Variants in DYNC2H1 observed in about 807,000 individuals in gnomAD.
DYNC2H1 encodes cytoplasmic dynein 2 heavy chain 1.
A neutral mutation model predicts 570.0 loss-of-function variants in DYNC2H1; 410 were observed. That is an observed-to-expected ratio of 0.72 (90% CI 0.66 to 0.78). The LOEUF is 0.78. Ranked by LOEUF, DYNC2H1 falls within the 30% of genes least tolerant of loss-of-function variation. The pLI is 0.00. For missense variants in DYNC2H1, 4,865 were observed against 5,046.4 expected, an observed-to-expected ratio of 0.96 and a Z score of 1.09; for synonymous variants, 1,688 against 1,677.6, an observed-to-expected ratio of 1.01 and a Z score of -0.15.
At chr11:103,385,376 C>G (rs1407477605) in intron 83 of DYNC2H1, among the ~76,000 whole-genome samples, 2 of 151,994 alleles carry the variant, frequency 1.3e-5, no homozygotes, top group Admixed American at 1.3e-4. Flanking sequence ...CTACATGATG[C>G]ATTCTGAATA....
chr11:103,408,208 T>G (rs1165463870), intron 84 of DYNC2H1: 2 of 151,932 alleles, frequency 1.3e-5, no homozygotes, highest in Non-Finnish European at 2.9e-5. Context: ...GGTTCTTTGG[T>G]GAAAAGTTTT....
At chr11:103,322,103 G>A (rs1370230243) in intron 81 of DYNC2H1, among the ~76,000 whole-genome samples, 1 of 151,930 alleles carries the variant, frequency 6.6e-6, no homozygotes. Context: ...TTTGTTTCTA[G>A]TATCTTTAAT....
At chr11:103,451,384 G>A (rs912385405) in intron 85 of DYNC2H1, among the ~76,000 whole-genome samples, 5 of 129,742 alleles carry the variant, frequency 3.9e-5, no homozygotes, top group Non-Finnish European at 7.7e-5. Flanking sequence ...CCAGGCTGGA[G>A]TGCAGTGGCA....
intron 31 of DYNC2H1, 139 bp downstream of exon 31, chr11:103,166,187 T>C: frequency 3.4e-6 from 2 of 590,690 alleles, no homozygotes; most frequent in Non-Finnish European, 2.6e-6. Context: ...CTTAAATTTT[T>C]ATAATGTACT....
intron 82 of DYNC2H1, among the ~76,000 whole-genome samples, chr11:103,327,987 C>T (rs1938582285): frequency 6.6e-6 from 1 of 152,176 alleles, no homozygotes; most frequent in South Asian, 2.1e-4. Flanking sequence ...GGAAATAGTA[C>T]TATGAGAAGA....
chr11:103,310,437 T>C (rs1037711660), intron 78 of DYNC2H1, among the ~76,000 whole-genome samples: 2 of 152,048 alleles, frequency 1.3e-5, no homozygotes, highest in African/African-American at 2.4e-5. Flanking sequence ...TCTGTACTTA[T>C]ATGTGATTTT....
At chr11:103,456,440 C>A in intron 87 of DYNC2H1, 84 bp downstream of exon 87, 1 of 1,080,118 alleles carries the variant, frequency 9.3e-7, no homozygotes, top group Non-Finnish European at 1.4e-6. Flanking sequence ...CTCAAAGTGA[C>A]CTATCTTTAT....
intron 83 of DYNC2H1, among the ~76,000 whole-genome samples, chr11:103,387,148 C>T (rs1487788257): frequency 1.3e-5 from 2 of 152,180 alleles, no homozygotes; most frequent in East Asian, 3.9e-4. Context: ...TTCTCCACAT[C>T]CTCTCCAGCA....
At chr11:103,210,292 C>G (rs564047364) in intron 53 of DYNC2H1, among the ~76,000 whole-genome samples, 1 of 152,022 alleles carries the variant, frequency 6.6e-6, no homozygotes, top group Non-Finnish European at 1.5e-5. Flanking sequence ...TAGCTTATCA[C>G]TTAGATATGG....
chr11:103,425,162 C>T (rs903091429), intron 84 of DYNC2H1, among the ~76,000 whole-genome samples: 4 of 152,110 alleles, frequency 2.6e-5, no homozygotes, highest in Admixed American at 6.6e-5. Context: ...TGTTTTTGAA[C>T]CCCTGTGGTC....
chr11:103,315,277 T>C (rs1937759998), intron 79 of DYNC2H1, among the ~76,000 whole-genome samples: 2 of 152,098 alleles, frequency 1.3e-5, no homozygotes, highest in Admixed American at 6.6e-5. Context: ...AGTGCACAGA[T>C]ATTTGCCTCT....
At chr11:103,428,185 C>T (rs1328474330) in intron 84 of DYNC2H1, among the ~76,000 whole-genome samples, 1 of 134,726 alleles carries the variant, frequency 7.4e-6, no homozygotes, top group African/African-American at 2.8e-5. Context: ...ATAACATGAG[C>T]TTTTTTTTTT....
chr11:103,156,780 A>AT lies in DYNC2H1; in HGVS notation c.4127+11dup. 6.3e-7 allele frequency: 1 copy of AT among 1,596,668 alleles called. No individual in the cohort carries two copies. The highest frequency in any genetic ancestry group is 8.5e-7 in the Non-Finnish European group (1 of 1,176,272). On this transcript the variant is annotated intron_variant, in intron 26 of 88. Transcript: ENST00000375735. ...TTGATGAAGATTTTAGGTCAGTACAATGATGTAAGACATAGACACATATGG... is the reference window on the plus strand; with the variant it reads ...TTGATGAAGATTTTAGGTCAGTACAATTGATGTAAGACATAGACACATATGG...
chr11:103,122,926 A>G lies in DYNC2H1; in HGVS notation c.1587A>G (p.Leu529=), dbSNP rs775478656. 2.5e-6 allele frequency: 4 copies of G among 1,611,596 alleles called. No homozygotes were observed. The highest frequency in any genetic ancestry group is 1.7e-4 in the Middle Eastern group (1 of 6,050). The change falls in exon 11 of 89, where the codon CTA becomes CTG. Residue 529 remains leucine, a synonymous_variant. Transcript: ENST00000375735. ...AAGATCTCTTAGACCAGCTTAAACT[A>G]TATGAACAGGAACAATTTGATGATT... ...SAKDLLDQLK[L]YEQEQFDDWS...
chr11:103,436,118 G>GAATT, intron 85 of DYNC2H1, 86 bp downstream of exon 85: 3 of 1,098,526 alleles, frequency 2.7e-6, no homozygotes, highest in Non-Finnish European at 3.9e-6. Context: ...TCACTAGTGA[G>GAATT]AATTACACTA....
At chr11:103,447,038 A>G (rs575066) in intron 85 of DYNC2H1, among the ~76,000 whole-genome samples, 54,055 of 151,880 alleles carry the variant, frequency 0.36, 10,199 homozygotes, top group African/African-American at 0.48. Context: ...TAGCCCATGT[A>G]ACTCAACTCA....
chr11:103,153,026 G>A (rs2134877632), intron 21 of DYNC2H1, among the ~76,000 whole-genome samples: 1 of 152,216 alleles, frequency 6.6e-6, no homozygotes. Flanking sequence ...TACCTTTGTT[G>A]TTAGTTGTAC....
At chr11:103,310,466 T>C (rs1460674452) in intron 78 of DYNC2H1, among the ~76,000 whole-genome samples, 1 of 152,064 alleles carries the variant, frequency 6.6e-6, no homozygotes, top group Non-Finnish European at 1.5e-5. Flanking sequence ...CTGTATAGGA[T>C]TTATTAATTT....
At chr11:103,121,587 A>G (rs550921079) in intron 10 of DYNC2H1, 91 bp downstream of exon 10, 52 of 1,351,894 alleles carry the variant, frequency 3.8e-5, no homozygotes, top group Non-Finnish European at 4.9e-5. Flanking sequence ...TAGTAAATAT[A>G]TTCTCTGTTT....
Sources: gnomAD v4.1 joint callset for allele counts (sites outside exome capture counted in the v4.1 genomes callset) on GRCh38, gnomAD v4.1.1 for gene constraint, MANE v1.5 for transcripts, NCBI Gene and HGNC (gene_info 2026-07-23, HGNC 2026-07-21) for gene names.